The following EPHA7 variants were observed in gnomAD, a reference collection of about 807,000 sequenced individuals.
EPHA7 encodes EPH receptor A7, also known as ephrin type-A receptor 7.
Under a neutral mutation model 112.6 loss-of-function variants are expected in EPHA7, and 25 were observed. That is an observed-to-expected ratio of 0.22 (90% CI 0.16 to 0.31). The LOEUF is 0.31. EPHA7 is among the 10% of genes least tolerant of loss of function. EPHA7 has a pLI of 1.00. For missense variants in EPHA7, 962 were observed against 1,212.6 expected, an observed-to-expected ratio of 0.79 and a Z score of 3.07; for synonymous variants, 437 against 406.5, an observed-to-expected ratio of 1.07 and a Z score of -0.90.
intron 10 of EPHA7, 69 bp from the exon 11 acceptor site, chr6:93,258,353 C>T (rs750917524): frequency 7.7e-5 from 103 of 1,346,308 alleles, no homozygotes; most frequent in Non-Finnish European, 9.2e-5. Context: ...AGAGTAAATG[C>T]GTTGAATTAT....
Position 93,254,690 on chromosome 6 carries a change from A to G in EPHA7, c.2489T>C (p.Met830Thr), listed in dbSNP as rs763219152. The G allele has an allele frequency of 2.5e-6, 4 of 1,613,676 alleles. No individual in the cohort carries two copies. Among genetic ancestry groups the G allele is most frequent in the South Asian group, 1.1e-5 (1 of 91,048 alleles). ...WSYGIVMWEV[M>T]SYGERPYWDM... The stretch of plus-strand genomic sequence containing the variant: ...CCAATAAGGTCTTTCTCCATAAGAC[A>G]TAACTTCCCACATGACTATTCCATA... Residue 830 changes from methionine to threonine, a missense_variant, in exon 14 of 17, where the codon ATG (methionine) becomes ACG (threonine). Physicochemically the swap from Met to Thr is moderately conservative, Grantham distance 81. Around this residue, in one of 3 missense-constraint regions of EPHA7, gnomAD observed 746 missense variants for 889.2 expected, o/e 0.84. Coordinates refer to ENST00000369303, the MANE Select transcript of EPHA7 (RefSeq NM_004440.4).
At chr6:93,267,894 G>A (rs983783665) in intron 7 of EPHA7, among the ~76,000 whole-genome samples, 9 of 151,618 alleles carry the variant, frequency 5.9e-5, no homozygotes, top group African/African-American at 2.2e-4. Flanking sequence ...GTAAATGTGA[G>A]ATAACTGACA....
At chr6:93,253,959 G>A (rs1770326153) in intron 14 of EPHA7, among the ~76,000 whole-genome samples, 1 of 151,784 alleles carries the variant, frequency 6.6e-6, no homozygotes, top group African/African-American at 2.4e-5. Context: ...TGTTTTATAA[G>A]TGGTCTCTTG....
At chr6:93,249,720 G>A (rs1238378659) in intron 14 of EPHA7, among the ~76,000 whole-genome samples, 1 of 152,134 alleles carries the variant, frequency 6.6e-6, no homozygotes, top group Non-Finnish European at 1.5e-5. Flanking sequence ...AACAATGTAA[G>A]TCGAGTGATC....
intron 5 of EPHA7, among the ~76,000 whole-genome samples, chr6:93,292,338 T>C (rs1772422105): frequency 6.6e-6 from 1 of 152,200 alleles, no homozygotes; most frequent in South Asian, 2.1e-4. Context: ...ACATCTCTAC[T>C]TTCAATGCTA....
intron 3 of EPHA7, among the ~76,000 whole-genome samples, chr6:93,393,716 T>C (rs1462165248): frequency 3.3e-5 from 5 of 151,852 alleles, no homozygotes; most frequent in African/African-American, 1.2e-4. Flanking sequence ...ATATGACTTC[T>C]GCAGATCATA....
intron 1 of EPHA7, among the ~76,000 whole-genome samples, chr6:93,418,363 C>G (rs901615720): frequency 6.6e-6 from 1 of 152,244 alleles, no homozygotes; most frequent in Non-Finnish European, 1.5e-5. Flanking sequence ...CTGCCTTCTC[C>G]TACCAGAACC....
chr6:93,264,471 G>T, intron 8 of EPHA7, 123 bp downstream of exon 8: 1 of 546,484 alleles, frequency 1.8e-6, no homozygotes, highest in Non-Finnish European at 3.2e-6. Flanking sequence ...GACCTTTAAT[G>T]TTTTATATCA....
At chr6:93,325,116 G>A (rs1160171753) in intron 5 of EPHA7, among the ~76,000 whole-genome samples, 1 of 151,216 alleles carries the variant, frequency 6.6e-6, no homozygotes, top group Non-Finnish European at 1.5e-5. Flanking sequence ...TCTACCAGCT[G>A]AAGAAATATT....
At chr6:93,248,131 G>A (rs1487630424) in intron 14 of EPHA7, among the ~76,000 whole-genome samples, 8 of 151,596 alleles carry the variant, frequency 5.3e-5, no homozygotes, top group Non-Finnish European at 5.9e-5. Context: ...AAAAATCTTT[G>A]AATTTTCAAA....
At chr6:93,339,125 AAT>A (rs1319588947) in intron 5 of EPHA7, among the ~76,000 whole-genome samples, 1 of 151,576 alleles carries the variant, frequency 6.6e-6, no homozygotes, top group Non-Finnish European at 1.5e-5. Context: ...AAAAACTGGC[AAT>A]AAAATAAGTT....
intron 9 of EPHA7, 33 bp downstream of exon 9, chr6:93,263,827 G>C (rs1228168558): frequency 1.3e-6 from 2 of 1,579,270 alleles, no homozygotes; most frequent in Non-Finnish European, 1.7e-6. Context: ...GTTAATAGGG[G>C]TACATCATAA....
At chr6:93,332,248 A>G (rs1774631700) in intron 5 of EPHA7, among the ~76,000 whole-genome samples, 1 of 151,694 alleles carries the variant, frequency 6.6e-6, no homozygotes, top group Admixed American at 6.6e-5. Flanking sequence ...AACTGAATAA[A>G]GCAAGCAAAA....
rs1779419828 is a variant in EPHA7, at chr6:93,419,450, C to T, written c.-109G>A. 3.7e-6 allele frequency: 3 copies of T among 820,288 alleles called. No individual in the cohort carries two copies. The highest frequency in any genetic ancestry group is 1.9e-6 in the Non-Finnish European group (1 of 524,140). 50.8% of individuals were successfully genotyped at this position (820,288 alleles called of 1,614,324 possible). A position where few individuals can be genotyped will look rare whatever the true frequency, so the allele number is the denominator to read the frequency against. On this transcript the variant is annotated 5_prime_UTR_variant, in exon 1 of 17. Coordinates refer to ENST00000369303, the MANE Select transcript of EPHA7 (RefSeq NM_004440.4). ...TTTTATTGTGCTCCTTGCATCGATT[C>T]CCCTTCTCGGTCCCCGATCGGCTGC... is the stretch of plus-strand genomic sequence containing the variant.
chr6:93,303,377 G>A (rs1773091025), intron 5 of EPHA7, among the ~76,000 whole-genome samples: 1 of 152,044 alleles, frequency 6.6e-6, no homozygotes, highest in Non-Finnish European at 1.5e-5. Flanking sequence ...CGTTCCAGAA[G>A]AGTCTAAGAA....
chr6:93,311,358 G>A (rs925107784), intron 5 of EPHA7, among the ~76,000 whole-genome samples: 8 of 151,978 alleles, frequency 5.3e-5, no homozygotes, highest in African/African-American at 1.9e-4. Context: ...GTTTATGTAA[G>A]TAATATTTTA....
chr6:93,408,849 T>TA (rs1778839761), intron 3 of EPHA7, among the ~76,000 whole-genome samples: 1 of 152,098 alleles, frequency 6.6e-6, no homozygotes, highest in Non-Finnish European at 1.5e-5. Flanking sequence ...CTAGCCACAC[T>TA]AAAAAAGAGT....
At chr6:93,342,646 C>T (rs1414091750) in intron 5 of EPHA7, among the ~76,000 whole-genome samples, 1 of 151,606 alleles carries the variant, frequency 6.6e-6, no homozygotes, top group African/African-American at 2.4e-5. Flanking sequence ...TCTTTATTGC[C>T]AGTACATTTA....
chr6:93,388,363 C>T (rs778542694), intron 3 of EPHA7, among the ~76,000 whole-genome samples: 1 of 152,050 alleles, frequency 6.6e-6, no homozygotes, highest in Admixed American at 6.6e-5. Context: ...CTATTATTAT[C>T]AATATTACCA....
Sources: gnomAD v4.1 joint callset for allele counts (sites outside exome capture counted in the v4.1 genomes callset) on GRCh38, gnomAD v4.1.1 for gene constraint, gnomAD v4.1.1 regional missense constraint, MANE v1.5 for transcripts, NCBI Gene and HGNC (gene_info 2026-07-23, HGNC 2026-07-21) for gene names.